The following MAST3 variants were observed in gnomAD, a reference collection of about 807,000 sequenced individuals.
The protein encoded by MAST3 is microtubule associated serine/threonine kinase 3.
MAST3 carries 43 observed loss-of-function variants against 127.0 expected under a neutral mutation model. That is an observed-to-expected ratio of 0.34 (90% CI 0.27 to 0.44). The LOEUF is 0.44. MAST3 is among the 20% of genes least tolerant of loss of function. MAST3 has a pLI of 1.00. For synonymous variants in MAST3, 785 were observed against 809.2 expected (o/e 0.97, Z 0.51); for missense variants, 1,390 against 1,919.1 (o/e 0.72, Z 5.15).
At chr19:18,103,079 CT>C (rs1369944793) in intron 1 of MAST3, among the ~76,000 whole-genome samples, 2 of 152,202 alleles carry the variant, frequency 1.3e-5, no homozygotes, top group African/African-American at 4.8e-5. Context: ...GTGGGAACCA[CT>C]CCCAGGGGAA....
At chr19:18,127,225 G>C (rs4808748) in intron 11 of MAST3, among the ~76,000 whole-genome samples, 1 of 151,512 alleles carries the variant, frequency 6.6e-6, no homozygotes, top group African/African-American at 2.4e-5. Context: ...ACTCCAGCCT[G>C]GGTGACAGAG....
Position 18,130,707 on chromosome 19 carries a change from G to C in MAST3, c.1432+5G>C, listed in dbSNP as rs368438787. The C allele has an allele frequency of 6.2e-7, 1 of 1,611,736 alleles. No individual in the cohort carries two copies. The highest frequency in any genetic ancestry group is 8.5e-7 in the Non-Finnish European group (1 of 1,178,878). On this transcript the variant is annotated splice_donor_5th_base_variant and intron_variant, in intron 14 of 27. Coordinates refer to ENST00000687212, the MANE Select transcript of MAST3 (RefSeq NM_001393504.1). ...TGGTCATGGAATACGTGGAAGGTAC[G>C]CTCACTGGGGCTTGCATGCCTCCAG...
At chr19:18,132,073 C>T (rs766544334) in intron 15 of MAST3, 26 bp downstream of exon 15, 3 of 1,612,750 alleles carry the variant, frequency 1.9e-6, no homozygotes, top group East Asian at 2.2e-5. Flanking sequence ...ATGAGCGGGG[C>T]CTCGCGGAGG....
chr19:18,124,388 C>T (rs1249528039), intron 10 of MAST3, 22 bp downstream of exon 10: 1 of 1,571,968 alleles, frequency 6.4e-7, no homozygotes, highest in Non-Finnish European at 8.6e-7. Flanking sequence ...TTTCTACGGC[C>T]AGCTTGGGGT....
intron 18 of MAST3, 74 bp from the exon 19 acceptor site, chr19:18,137,165 G>T: frequency 6.4e-7 from 1 of 1,566,116 alleles, no homozygotes. Flanking sequence ...GTCCAGCATG[G>T]GCAGTGGGGG....
chr19:18,109,201 G>A (rs1281329330), intron 2 of MAST3, among the ~76,000 whole-genome samples: 1 of 147,458 alleles, frequency 6.8e-6, no homozygotes, highest in Non-Finnish European at 1.5e-5. Context: ...GCTGAGTGGA[G>A]TGAGTGGAGA....
In MAST3 at chr19:18,140,115, G is replaced by A. The variant is rs578243131; in HGVS notation, c.2205+991G>A. On this transcript the variant is annotated intron_variant, in intron 20 of 27. Transcript: ENST00000687212. The stretch of plus-strand genomic sequence containing the variant: ...ATTACAGGCGTGAGCCACCGTGCCC[G>A]GCCTGTTTTAGCCATTTTAAGGCAA... Among the ~76,000 whole-genome samples the A allele has an allele frequency of 1.6e-4, 24 of 152,144 alleles. No homozygotes were observed. The East Asian group carries it at 4.1e-3, about 26-fold the overall frequency.
intron 3 of MAST3, among the ~76,000 whole-genome samples, chr19:18,117,030 CT>C (rs141505059): frequency 0.015 from 2,328 of 151,526 alleles, 53 homozygotes; most frequent in African/African-American, 0.051. Context: ...GACACTGCCC[CT>C]GACTTGCCTG....
intron 3 of MAST3, among the ~76,000 whole-genome samples, chr19:18,114,428 A>T (rs1024319943): frequency 2.6e-5 from 4 of 152,118 alleles, no homozygotes; most frequent in African/African-American, 9.7e-5. Flanking sequence ...AGTTCAAGCG[A>T]TCTGCCCATC....
rs1385651661 is a variant in MAST3, at chr19:18,145,686, G to A, written c.3040-57G>A. The A allele has an allele frequency of 3.3e-5, 50 of 1,501,212 alleles. No homozygotes were observed. Among genetic ancestry groups the A allele is most frequent in the Non-Finnish European group, 4.3e-5 (48 of 1,129,260 alleles). The allele number at this position is 1,501,212 out of a possible 1,614,324, so 93.0% of individuals were successfully genotyped here. A position where few individuals can be genotyped will look rare whatever the true frequency, so the allele number is the denominator to read the frequency against. On this transcript the variant is annotated intron_variant, in intron 24 of 27. Coordinates refer to ENST00000687212, the MANE Select transcript of MAST3 (RefSeq NM_001393504.1). The surrounding 1 kb of genome is among the most constrained non-coding windows in gnomAD (Gnocchi z 5.9). ...TCCCACAGCAGACCCAGCCTGGGCT[G>A]GGGTCCCCAGATGTGGGGCCCAGGC...
At chr19:18,129,988 G>C (rs1173624462) in intron 13 of MAST3, among the ~76,000 whole-genome samples, 1 of 150,576 alleles carries the variant, frequency 6.6e-6, no homozygotes, top group African/African-American at 2.4e-5. Flanking sequence ...AGTGGCTCTC[G>C]CCTATAATCC....
chr19:18,115,938 C>A (rs926075357), intron 3 of MAST3, among the ~76,000 whole-genome samples: 1 of 152,226 alleles, frequency 6.6e-6, no homozygotes, highest in African/African-American at 2.4e-5. Flanking sequence ...GTGCCCTTTG[C>A]CTGGGACACG....
In MAST3 at chr19:18,134,621, C is replaced by T. The variant is rs374081029; in HGVS notation, c.1614C>T (p.Phe538=). ...TTGGCCACATCAAGCTCACGGACTT[C>T]GGCCTGTCCAAGATCGGCCTCATGA... ...TSLGHIKLTD[F]GLSKIGLMSM... is the part of the protein sequence containing the mutation. Residue 538 remains phenylalanine (F), a synonymous_variant, in exon 16 of 28, where the codon TTC becomes TTT. Transcript: ENST00000687212. 33 of 1,612,970 alleles carry T rather than the reference C, an allele frequency of 2.0e-5. No homozygotes were observed. The highest frequency in any genetic ancestry group is 4.5e-5 in the East Asian group (2 of 44,856).
In MAST3 at chr19:18,149,221, C is replaced by T. The variant is rs762775941; in HGVS notation, c.3539C>T (p.Pro1180Leu). Residue 1180 changes from proline to leucine, a missense_variant, in exon 28 of 28, where the codon CCG becomes CTG. Transcript: ENST00000687212. The surrounding 1 kb of genome is among the most constrained non-coding windows in gnomAD (Gnocchi z 5.9). The stretch of plus-strand genomic sequence containing the variant: ...ACTGCATCCCCACCCAGCGCATCCC[C>T]GAGCTCCAGCAGCCCCGCCTCCCCA... ...DTTASPPSAS[P>L]SSSSPASPAA... 24 of 1,556,004 alleles carry T rather than the reference C, an allele frequency of 1.5e-5. No individual in the cohort carries two copies. The highest frequency in any genetic ancestry group is 1.0e-4 in the East Asian group (4 of 39,060).
intron 20 of MAST3, among the ~76,000 whole-genome samples, chr19:18,140,538 C>G (rs116070023): frequency 7.2e-4 from 110 of 152,298 alleles, no homozygotes; most frequent in African/African-American, 2.2e-3. Flanking sequence ...CAGCTTCCAT[C>G]TTTATGGATT....
chr19:18,102,979 C>A (rs1257787463), intron 1 of MAST3, among the ~76,000 whole-genome samples: 1 of 152,164 alleles, frequency 6.6e-6, no homozygotes, highest in Non-Finnish European at 1.5e-5. Context: ...CATCCCCCAG[C>A]CTGGGCAAGC....
Position 18,129,169 on chromosome 19 carries a change from T to A in MAST3, c.1223+218T>A, listed in dbSNP as rs538048768. 3 of 567,644 alleles carry A rather than the reference T, an allele frequency of 5.3e-6. No individual in the cohort carries two copies. The East Asian group carries it at 8.9e-5, about 17-fold the overall frequency. 35.2% of individuals were successfully genotyped at this position (567,644 alleles called of 1,614,324 possible). A position where few individuals can be genotyped will look rare whatever the true frequency, so the allele number is the denominator to read the frequency against. On this transcript the variant is annotated intron_variant, in intron 13 of 27. Coordinates refer to ENST00000687212, the MANE Select transcript of MAST3 (RefSeq NM_001393504.1). ...TCTGTCCACGAGCCAGGCCTTTACCTGCCCCAGGTGTAGGGCGTTCTAGGG... is the reference window on the plus strand; with the variant it reads ...TCTGTCCACGAGCCAGGCCTTTACCAGCCCCAGGTGTAGGGCGTTCTAGGG...
intron 21 of MAST3, 110 bp downstream of exon 21, chr19:18,142,125 C>A: frequency 8.4e-7 from 1 of 1,185,934 alleles, no homozygotes; most frequent in South Asian, 2.9e-5. Flanking sequence ...AGAAAAGGGT[C>A]AAACATATTG....
chr19:18,108,780 T>A (rs1383589514), intron 2 of MAST3, among the ~76,000 whole-genome samples: 1 of 152,144 alleles, frequency 6.6e-6, no homozygotes, highest in African/African-American at 2.4e-5. Context: ...TTCCTTGAGC[T>A]AGTGGTCTGG....
Sources: allele counts gnomAD v4.1 joint callset (sites outside exome capture counted in the v4.1 genomes callset), GRCh38; gene constraint gnomAD v4.1.1; non-coding constraint Gnocchi (gnomAD v3.1); transcripts MANE v1.5; gene names NCBI Gene and HGNC (gene_info 2026-07-23, HGNC 2026-07-21).